Variants in RAI14 observed in about 807,000 individuals in gnomAD.
The protein encoded by RAI14 is ankycorbin.
A neutral mutation model predicts 115.4 loss-of-function variants in RAI14; 45 were observed. The observed-to-expected ratio is 0.39, with a 90% CI of 0.31 to 0.50. RAI14 has a LOEUF of 0.50. RAI14 is among the 20% of genes least tolerant of loss of function. The pLI is 0.85. For synonymous variants in RAI14, 371 were observed against 415.4 expected (o/e 0.89, Z 1.30); for missense variants, 939 against 1,131.2 (o/e 0.83, Z 2.44).
At chr5:34,713,197 G>C (rs1741604597) in intron 2 of RAI14, among the ~76,000 whole-genome samples, 1 of 152,122 alleles carries the variant, frequency 6.6e-6, no homozygotes, top group Non-Finnish European at 1.5e-5. Context: ...TTATGATGTA[G>C]GGCTGGTGAG....
intron 3 of RAI14, among the ~76,000 whole-genome samples, chr5:34,786,193 T>A (rs1752274062): frequency 6.6e-6 from 1 of 152,210 alleles, no homozygotes; most frequent in Non-Finnish European, 1.5e-5. Flanking sequence ...AAGGCTCAAA[T>A]GTAGCTATAA....
At chr5:34,797,622 T>C (rs1753700178) in intron 4 of RAI14, among the ~76,000 whole-genome samples, 1 of 152,140 alleles carries the variant, frequency 6.6e-6, no homozygotes, top group Non-Finnish European at 1.5e-5. Flanking sequence ...GCAACACCAA[T>C]ATAGGGGGAT....
chr5:34,810,495 A>G (rs965324799), intron 7 of RAI14, among the ~76,000 whole-genome samples: 2 of 152,212 alleles, frequency 1.3e-5, no homozygotes, highest in Non-Finnish European at 2.9e-5. Flanking sequence ...TTAGTAACAG[A>G]CATAGGCTCT....
At chr5:34,778,463 G>T (rs191274234) in intron 3 of RAI14, among the ~76,000 whole-genome samples, 23 of 152,336 alleles carry the variant, frequency 1.5e-4, no homozygotes, top group Middle Eastern at 3.4e-3. Context: ...GGGAGGCTGA[G>T]ATGGGAGGAT....
chr5:34,758,238 T>A (rs1748155241), intron 3 of RAI14, among the ~76,000 whole-genome samples: 1 of 152,184 alleles, frequency 6.6e-6, no homozygotes, highest in African/African-American at 2.4e-5. Flanking sequence ...TACTATAAAA[T>A]GGAGATGGTA....
chr5:34,742,239 G>A lies in RAI14; in HGVS notation c.37-15229G>A, dbSNP rs1406398863. ...GTTCAGGTCCTTTTCTCTCTATGGGGCATCTTGATTGCCCATTGGCATGTA... is the reference window on the plus strand; with the variant it reads ...GTTCAGGTCCTTTTCTCTCTATGGGACATCTTGATTGCCCATTGGCATGTA... On this transcript the variant is annotated intron_variant, in intron 2 of 17. Transcript: ENST00000265109. Among the ~76,000 whole-genome samples the A allele has an allele frequency of 2.0e-5, 3 of 152,172 alleles. No homozygotes were observed. In the East Asian group the frequency reaches 5.8e-4, roughly 29 times the overall value.
chr5:34,798,832 A>G (rs1283396868), intron 4 of RAI14, among the ~76,000 whole-genome samples: 1 of 152,212 alleles, frequency 6.6e-6, no homozygotes, highest in Non-Finnish European at 1.5e-5. Flanking sequence ...AGTGGGAACC[A>G]ATTGAAATTG....
At chr5:34,725,679 A>G (rs1743358261) in intron 2 of RAI14, among the ~76,000 whole-genome samples, 1 of 152,040 alleles carries the variant, frequency 6.6e-6, no homozygotes, top group Admixed American at 6.6e-5. Context: ...TTAAAATAAG[A>G]TGCTGGCCAG....
chr5:34,718,004 G>A (rs1742204208), intron 2 of RAI14, among the ~76,000 whole-genome samples: 1 of 151,534 alleles, frequency 6.6e-6, no homozygotes, highest in Non-Finnish European at 1.5e-5. Flanking sequence ...ACAGAGGCAA[G>A]GCAAGGAGAG....
chr5:34,753,545 C>T (rs770950900), intron 2 of RAI14, among the ~76,000 whole-genome samples: 1 of 151,966 alleles, frequency 6.6e-6, no homozygotes. Flanking sequence ...TTTGGGAGGC[C>T]AAGGTGGGAG....
chr5:34,686,102 T>A (rs1183882587), intron 1 of RAI14, among the ~76,000 whole-genome samples: 1 of 152,212 alleles, frequency 6.6e-6, no homozygotes, highest in Non-Finnish European at 1.5e-5. Context: ...ATCTGGAATA[T>A]GAACTGTTTT....
chr5:34,824,541 C>G, intron 15 of RAI14, 50 bp downstream of exon 15: 8 of 1,411,762 alleles, frequency 5.7e-6, no homozygotes, highest in Non-Finnish European at 6.6e-6. Context: ...GTCTTAGTCT[C>G]TTTGGCTTTT....
intron 3 of RAI14, chr5:34,757,843 C>A: frequency 3.5e-6 from 1 of 285,884 alleles, no homozygotes; most frequent in Non-Finnish European, 6.4e-6. Flanking sequence ...AGATTGCAAC[C>A]AATTGTAGAT....
At chr5:34,768,250 A>T (rs3889387) in intron 3 of RAI14, among the ~76,000 whole-genome samples, 9,613 of 151,994 alleles carry the variant, frequency 0.063, 407 homozygotes, top group Middle Eastern at 0.16. Flanking sequence ...GAGGTTCTCC[A>T]TGAGCACCTA....
At position 34,800,627 on chromosome 5, in the gene RAI14, A is replaced by G. The variant is rs536722294; in HGVS notation, c.257-3085A>G. Among the ~76,000 whole-genome samples the G allele has an allele frequency of 5.3e-5, 8 of 152,332 alleles. No homozygotes were observed. In the South Asian group the frequency reaches 1.7e-3, roughly 32 times the overall value. ...CGGATTTTGAGACTATTTTTAGTGA[A>G]AAATACTTTTCTGCTGCTCGTTAGA... On this transcript the variant is annotated intron_variant, in intron 4 of 17. Transcript: ENST00000265109.
rs1321340598 is a variant in RAI14 at position 34,830,880 on chromosome 5, G to T, written c.*115G>T. ...GTGGTATGCACTGTGGCCTAGCGTA[G>T]CTTCTTCCCTTTCCAAAGGTTTCTG... On this transcript the variant is annotated 3_prime_UTR_variant, in exon 18 of 18. Transcript: ENST00000265109. 1.3e-6 allele frequency: 2 copies of T among 1,506,696 alleles called. No individual in the cohort carries two copies. The highest frequency in any genetic ancestry group is 1.4e-5 in the African/African-American group (1 of 71,458). The allele number at this position is 1,506,696 out of a possible 1,614,324, so 93.3% of individuals were successfully genotyped here.
chr5:34,830,731 T>G lies in RAI14; in HGVS notation c.2909T>G (p.Leu970Arg), dbSNP rs773540736. 3 of 1,614,192 alleles carry G rather than the reference T, an allele frequency of 1.9e-6. No homozygotes were observed. In the East Asian group the frequency reaches 6.7e-5, roughly 36 times the overall value. The change falls in exon 18 of 18, where the codon CTT (leucine) becomes CGT (arginine). Residue 970 changes from leucine to arginine, a missense_variant. Transcript: ENST00000265109. Reference protein sequence around the residue: ...EDVQKVLKQILTMCKNQSQKK With the variant: ...EDVQKVLKQIRTMCKNQSQKK Reference sequence around the variant, plus strand: ...GTCCAGAAAGTACTGAAGCAAATCCTTACCATGTGTAAAAACCAGTCTCAA... The same window carrying G: ...GTCCAGAAAGTACTGAAGCAAATCCGTACCATGTGTAAAAACCAGTCTCAA...
chr5:34,812,060 G>GAAAAA (rs71820739), intron 9 of RAI14, 115 bp downstream of exon 9: 1 of 1,238,216 alleles, frequency 8.1e-7, no homozygotes, highest in Non-Finnish European at 1.1e-6. Flanking sequence ...ACATATTCTT[G>GAAAAA]AAAAAAAAAG....
rs373977164 is a variant in RAI14 at position 34,772,023 on chromosome 5, C to G, written c.167+14425C>G. 1.7e-4 allele frequency among the ~76,000 whole-genome samples: 26 copies of G among 152,276 alleles called. No individual in the cohort carries two copies. In the East Asian group the frequency reaches 2.1e-3, roughly 12 times the overall value. ...TCCTAGGCTTAAGTGATCCTCCCTC[C>G]TCACCCTCTCAAGTAGGTGGGACTA... On this transcript the variant is annotated intron_variant, in intron 3 of 17. Transcript: ENST00000265109.
Sources: gnomAD v4.1 joint callset for allele counts (sites outside exome capture counted in the v4.1 genomes callset) on GRCh38, gnomAD v4.1.1 for gene constraint, MANE v1.5 for transcripts, NCBI Gene and HGNC (gene_info 2026-07-23, HGNC 2026-07-21) for gene names.